The following MINPP1 variants were observed in gnomAD, a reference collection of about 807,000 sequenced individuals.
MINPP1 encodes the protein multiple inositol-polyphosphate phosphatase 1.
A neutral mutation model predicts 46.1 loss-of-function variants in MINPP1; 28 were observed. That is an observed-to-expected ratio of 0.61 (90% confidence interval 0.45 to 0.83). The LOEUF (loss-of-function observed/expected upper bound fraction) is 0.83, where lower values mean the gene tolerates loss of function less well. MINPP1 is among the 40% of genes least tolerant of loss of function. The pLI is 0.00. For missense variants in MINPP1, 603 were observed against 610.0 expected (o/e 0.99, Z 0.12); for synonymous variants, 268 against 249.1 (o/e 1.08, Z -0.72).
intron 4 of MINPP1, among the ~76,000 whole-genome samples, chr10:87,543,804 C>T (rs1851850681): frequency 6.6e-6 from 1 of 152,248 alleles, no homozygotes; most frequent in Non-Finnish European, 1.5e-5. Context: ...TGAGAAGTCA[C>T]TCATCACCAA....
At chr10:87,508,887 T>C (rs201289064) in intron 2 of MINPP1, among the ~76,000 whole-genome samples, 1 of 121,992 alleles carries the variant, frequency 8.2e-6, no homozygotes, top group African/African-American at 4.4e-5. Context: ...ATCATATAAA[T>C]TCTTTAGCTT....
intron 3 of MINPP1, 86 bp downstream of exon 3, chr10:87,513,307 T>C: frequency 2.2e-6 from 2 of 894,462 alleles, no homozygotes; most frequent in South Asian, 1.4e-5. Flanking sequence ...TGAAGCAGCT[T>C]TTCAGAAAAT....
chr10:87,541,135 A>G (rs1008408480), intron 4 of MINPP1, among the ~76,000 whole-genome samples: 8 of 152,254 alleles, frequency 5.3e-5, no homozygotes, highest in Admixed American at 1.3e-4. Context: ...TTGTCAAAGA[A>G]AATAGAAATG....
chr10:87,514,393 T>A (rs905422005), intron 3 of MINPP1, among the ~76,000 whole-genome samples: 2 of 152,200 alleles, frequency 1.3e-5, no homozygotes, highest in African/African-American at 4.8e-5. Flanking sequence ...TTTCACGTCT[T>A]AAGTCTTTTA....
chr10:87,508,944 T>C (rs964069628), intron 2 of MINPP1, among the ~76,000 whole-genome samples: 3 of 152,210 alleles, frequency 2.0e-5, no homozygotes, highest in Non-Finnish European at 2.9e-5. Flanking sequence ...GGGGTAAGTT[T>C]TAGAAAGTGA....
chr10:87,518,849 G>A (rs1851452950), intron 3 of MINPP1, among the ~76,000 whole-genome samples: 1 of 152,196 alleles, frequency 6.6e-6, no homozygotes, highest in African/African-American at 2.4e-5. Flanking sequence ...GGGAAGGGGC[G>A]TGGAGCTTCC....
Position 87,508,443 on chromosome 10 carries a change from G to A in MINPP1, c.745G>A (p.Val249Met), listed in dbSNP as rs1026420496. 9 of 1,613,628 alleles carry A rather than the reference G, an allele frequency of 5.6e-6. No homozygotes were observed. The highest frequency in any genetic ancestry group is 2.2e-5 in the South Asian group (2 of 91,066). The change falls in exon 2 of 5, where the codon GTG (valine) becomes ATG (methionine). Residue 249 changes from valine (V) to methionine (M), a missense_variant. This residue lies in a region of MINPP1 where 344 missense variants were observed against 381.1 expected (regional missense o/e 0.90). Coordinates refer to ENST00000371996, the MANE Select transcript of MINPP1 (RefSeq NM_004897.5). ...AAAAAATGCTACAGCTCTTTATCAC[G>A]TGGAAGCCTTCAAAACTGGACCAGA... ...VEKNATALYH[V>M]EAFKTGPEMQ... is the part of the protein sequence containing the mutation.
At chr10:87,508,749 C>T (rs986562840) in intron 2 of MINPP1, among the ~76,000 whole-genome samples, 3 of 152,014 alleles carry the variant, frequency 2.0e-5, no homozygotes, top group Non-Finnish European at 2.9e-5. Flanking sequence ...AATTACTGTA[C>T]AAGATTCTAG....
chr10:87,512,933 T>A (rs1011522879), intron 2 of MINPP1, among the ~76,000 whole-genome samples, 191 bp from the exon 3 acceptor site: 12 of 152,216 alleles, frequency 7.9e-5, no homozygotes. Context: ...AGTTCAGTTC[T>A]GCACCCTTAA....
chr10:87,546,953 A>T (rs1029821596), intron 4 of MINPP1, among the ~76,000 whole-genome samples: 1 of 152,146 alleles, frequency 6.6e-6, no homozygotes, highest in East Asian at 1.9e-4. Context: ...AAGGAAAAAA[A>T]TATCATTTAA....
In MINPP1 at chr10:87,505,690, T is replaced by C; in HGVS notation, c.637+138T>C. On this transcript the variant is annotated intron_variant, in intron 1 of 4. Coordinates refer to ENST00000371996, the MANE Select transcript of MINPP1 (RefSeq NM_004897.5). The surrounding 1 kb of genome is among the most constrained non-coding windows in gnomAD (Gnocchi z 4.4). ...TTTCCCAAGCCATCATCCCTCGGGC[T>C]ACGTCCTCCCTGTCGAGGGATATTA... 1 of 776,206 alleles carries C rather than the reference T, an allele frequency of 1.3e-6. No homozygotes were observed. Among genetic ancestry groups the C allele is most frequent in the East Asian group, 2.7e-5 (1 of 37,134 alleles). The allele number at this position is 776,206 out of a possible 1,614,324, so 48.1% of individuals were successfully genotyped here.
intron 4 of MINPP1, among the ~76,000 whole-genome samples, chr10:87,550,154 G>A (rs2131846089): frequency 6.6e-6 from 1 of 152,238 alleles, no homozygotes; most frequent in East Asian, 1.9e-4. Flanking sequence ...AGATTTCTAA[G>A]AAGAGCAAAA....
chr10:87,550,875 G>A (rs575571405), intron 4 of MINPP1, among the ~76,000 whole-genome samples: 3 of 152,022 alleles, frequency 2.0e-5, no homozygotes, highest in East Asian at 1.9e-4. Context: ...CTCTAGCCCC[G>A]GGCCTCACTG....
intron 4 of MINPP1, among the ~76,000 whole-genome samples, chr10:87,529,388 T>C (rs1280922486): frequency 6.6e-6 from 1 of 152,238 alleles, no homozygotes; most frequent in East Asian, 1.9e-4. Context: ...TCAGGAGCTC[T>C]TGTAAGGCAG....
chr10:87,521,411 A>G (rs1166223221), intron 4 of MINPP1, among the ~76,000 whole-genome samples: 5 of 152,192 alleles, frequency 3.3e-5, no homozygotes, highest in Non-Finnish European at 5.9e-5. Flanking sequence ...GTGTTCCTCA[A>G]CTATTCCATT....
intron 4 of MINPP1, among the ~76,000 whole-genome samples, chr10:87,532,297 A>G (rs1478495887): frequency 2.0e-5 from 3 of 152,240 alleles, no homozygotes; most frequent in African/African-American, 7.2e-5. Context: ...AGCAGCTACT[A>G]TGTTTATATG....
At chr10:87,523,165 A>T (rs1390006902) in intron 4 of MINPP1, among the ~76,000 whole-genome samples, 1 of 152,134 alleles carries the variant, frequency 6.6e-6, no homozygotes, top group Non-Finnish European at 1.5e-5. Context: ...AACTCCTGGT[A>T]ATGTTGATAT....
At chr10:87,551,770 A>G (rs1851966456) in intron 4 of MINPP1, among the ~76,000 whole-genome samples, 1 of 152,174 alleles carries the variant, frequency 6.6e-6, no homozygotes, top group Non-Finnish European at 1.5e-5. Flanking sequence ...TGAAATACAC[A>G]TCTGTTTCAA....
At chr10:87,547,118 T>C (rs1320097051) in intron 4 of MINPP1, among the ~76,000 whole-genome samples, 3 of 152,136 alleles carry the variant, frequency 2.0e-5, no homozygotes, top group Non-Finnish European at 2.9e-5. Context: ...AAATTATTAT[T>C]ATTTTTTTTC....
Sources: gnomAD v4.1 joint callset for allele counts (sites outside exome capture counted in the v4.1 genomes callset) on GRCh38, gnomAD v4.1.1 for gene constraint, gnomAD v4.1.1 regional missense constraint, Gnocchi (gnomAD v3.1) non-coding constraint, MANE v1.5 for transcripts, NCBI Gene and HGNC (gene_info 2026-07-23, HGNC 2026-07-21) for gene names.